ITGA2: variants seen among roughly 807,000 people sequenced by gnomAD.
ITGA2 encodes the protein integrin subunit alpha 2, also known as integrin alpha-2.
Under a neutral mutation model 146.3 loss-of-function variants are expected in ITGA2, and 101 were observed. That is an observed-to-expected ratio of 0.69 (90% CI 0.59 to 0.81). The LOEUF (loss-of-function observed/expected upper bound fraction) is 0.81, where lower values mean the gene tolerates loss of function less well. Among genes scored for constraint, ITGA2 ranks in the 40% least tolerant of loss-of-function variants. The pLI, the probability that ITGA2 is intolerant of heterozygous loss-of-function variation, is 0.00. For missense variants in ITGA2, 1,281 were observed against 1,402.7 expected (o/e 0.91, Z 1.39); for synonymous variants, 477 against 487.1 (o/e 0.98, Z 0.27).
intron 1 of ITGA2, among the ~76,000 whole-genome samples, chr5:53,002,871 A>T (rs1741652399): frequency 1.3e-5 from 2 of 152,076 alleles, no homozygotes; most frequent in African/African-American, 4.8e-5. Context: ...GGTGCTCCAT[A>T]TTTATTTCCA....
chr5:53,006,604 T>C (rs1025532259), intron 1 of ITGA2, among the ~76,000 whole-genome samples: 2 of 152,200 alleles, frequency 1.3e-5, no homozygotes, highest in Non-Finnish European at 2.9e-5. Context: ...CAGTAATTAT[T>C]ATTGAACCAC....
chr5:53,054,321 T>C (rs1225303447), intron 7 of ITGA2, among the ~76,000 whole-genome samples: 1 of 152,204 alleles, frequency 6.6e-6, no homozygotes, highest in South Asian at 2.1e-4. Flanking sequence ...CATCATGTAA[T>C]ATCTTATAAA....
At chr5:53,020,498 C>T (rs1265430676) in intron 1 of ITGA2, among the ~76,000 whole-genome samples, 4 of 152,056 alleles carry the variant, frequency 2.6e-5, no homozygotes, top group Non-Finnish European at 5.9e-5. Context: ...ACCCAATGGG[C>T]CAGAGTTTCC....
chr5:53,072,771 TTA>T, intron 19 of ITGA2, 76 bp downstream of exon 19: 1 of 1,211,550 alleles, frequency 8.3e-7, no homozygotes, highest in South Asian at 1.3e-5. Context: ...AAACGAATGT[TTA>T]TAGAGTTTTT....
intron 2 of ITGA2, among the ~76,000 whole-genome samples, chr5:53,035,887 C>T (rs530359309): frequency 6.6e-6 from 1 of 152,254 alleles, no homozygotes; most frequent in Non-Finnish European, 1.5e-5. Flanking sequence ...CCTTGGATGG[C>T]TCATAGACCT....
intron 28 of ITGA2, among the ~76,000 whole-genome samples, chr5:53,088,214 G>GTGAAACTCTA (rs1167530699): frequency 6.6e-6 from 1 of 152,166 alleles, no homozygotes; most frequent in African/African-American, 2.4e-5. Flanking sequence ...CAGACAATAT[G>GTGAAACTCTA]TGAAACTCTA....
At chr5:52,991,413 T>A (rs1299456465) in intron 1 of ITGA2, among the ~76,000 whole-genome samples, 1 of 152,058 alleles carries the variant, frequency 6.6e-6, no homozygotes, top group African/African-American at 2.4e-5. Context: ...TCATTCACTA[T>A]CATTACACAC....
chr5:53,078,416 C>G (rs778682606), intron 23 of ITGA2, among the ~76,000 whole-genome samples: 23 of 152,118 alleles, frequency 1.5e-4, no homozygotes, highest in Non-Finnish European at 3.1e-4. Flanking sequence ...TACTGATTGT[C>G]TACTATGTTA....
intron 1 of ITGA2, chr5:52,990,300 C>A (rs1471099316): frequency 6.6e-6 from 1 of 152,588 alleles, no homozygotes; most frequent in Non-Finnish European, 1.5e-5. Context: ...CCGGAGCAGC[C>A]GCTCTAACTG....
At chr5:53,007,084 G>A (rs1741894896) in intron 1 of ITGA2, among the ~76,000 whole-genome samples, 1 of 152,112 alleles carries the variant, frequency 6.6e-6, no homozygotes. Context: ...CATGCTAGAA[G>A]AAAAAATGAA....
Position 53,048,692 on chromosome 5 carries a change from T to G in ITGA2, c.552T>G (p.Ser184Arg), listed in dbSNP as rs1385001934. The G allele has an allele frequency of 6.2e-7, 1 of 1,613,998 alleles. No individual in the cohort carries two copies. Among genetic ancestry groups the G allele is most frequent in the African/African-American group, 1.3e-5 (1 of 75,046 alleles). ...DVVVVCDESN[S>R]IYPWDAVKNF... ...TGGTTGTGTGTGATGAATCAAATAG[T>G]ATTTATCCTTGGGATGCAGTAAAGA... The change falls in exon 6 of 30, where the codon AGT (serine) becomes AGG (arginine). Residue 184 changes from serine to arginine, a missense_variant. Ser to Arg is a moderately radical substitution (Grantham distance 110). Coordinates refer to ENST00000296585, the MANE Select transcript of ITGA2 (RefSeq NM_002203.4).
intron 1 of ITGA2, among the ~76,000 whole-genome samples, chr5:53,020,273 A>C (rs1742613123): frequency 6.6e-6 from 1 of 152,254 alleles, no homozygotes; most frequent in Non-Finnish European, 1.5e-5. Context: ...AGAATCATGG[A>C]GAAAATATCA....
At chr5:53,047,412 A>C (rs1024951100) in intron 4 of ITGA2, among the ~76,000 whole-genome samples, 24 of 152,148 alleles carry the variant, frequency 1.6e-4, no homozygotes, top group African/African-American at 5.3e-4. Flanking sequence ...GGACTCCTGA[A>C]AAGGAGAGAA....
chr5:53,028,549 T>A (rs1359854512), intron 2 of ITGA2, among the ~76,000 whole-genome samples: 1 of 152,250 alleles, frequency 6.6e-6, no homozygotes, highest in Non-Finnish European at 1.5e-5. Context: ...CGGTATATTT[T>A]GACCTTGGAA....
Position 53,055,992 on chromosome 5 carries a change from G to C in ITGA2, c.939G>C (p.Gly313=). The change falls in exon 9 of 30, where the codon GGG becomes GGC. Residue 313 remains glycine, a synonymous_variant. Transcript: ENST00000296585. The part of the protein sequence containing the change: ...NILRFGIAVL[G]YLNRNALDTK... Reference sequence around the variant, plus strand: ...CTTCCTCTATTTTCAAGGTTCTTGGGTACTTAAACAGAAACGCCCTTGATA... The same window carrying C: ...CTTCCTCTATTTTCAAGGTTCTTGGCTACTTAAACAGAAACGCCCTTGATA... 8 of 1,608,970 alleles carry C rather than the reference G, an allele frequency of 5.0e-6. No homozygotes were observed. The highest frequency in any genetic ancestry group is 6.8e-6 in the Non-Finnish European group (8 of 1,177,762).
intron 1 of ITGA2, among the ~76,000 whole-genome samples, chr5:53,015,477 T>A (rs1283413658): frequency 1.3e-5 from 2 of 152,052 alleles, no homozygotes; most frequent in Non-Finnish European, 2.9e-5. Context: ...TATGATTTTT[T>A]TTTTTAATTT....
chr5:53,089,813 C>T (rs1002368216), intron 28 of ITGA2, 133 bp from the exon 29 acceptor site: 13 of 726,940 alleles, frequency 1.8e-5, no homozygotes, highest in Admixed American at 5.9e-5. Flanking sequence ...GTTTGAGATA[C>T]GCCATCATGA....
intron 15 of ITGA2, among the ~76,000 whole-genome samples, chr5:53,066,662 A>G (rs1745157871): frequency 1.3e-5 from 2 of 151,954 alleles, no homozygotes; most frequent in African/African-American, 2.4e-5. Flanking sequence ...TTTATTTCTG[A>G]GTTTAATGAT....
chr5:53,093,765 G>A lies in ITGA2; in HGVS notation c.*3166G>A, dbSNP rs1740558620. On this transcript the variant is annotated 3_prime_UTR_variant, in exon 30 of 30. Coordinates refer to ENST00000296585, the MANE Select transcript of ITGA2 (RefSeq NM_002203.4). Reference sequence around the variant, plus strand: ...TTCAAATTTCCATTTCATAAATGGTGTACAGACAAGGTCTATAGAATGTGG... The same window carrying A: ...TTCAAATTTCCATTTCATAAATGGTATACAGACAAGGTCTATAGAATGTGG... 1 of 152,594 alleles carries A rather than the reference G, an allele frequency of 6.6e-6. No individual in the cohort carries two copies. Among genetic ancestry groups the A allele is most frequent in the Non-Finnish European group, 1.5e-5 (1 of 68,038 alleles). The allele number at this position is 152,594 out of a possible 1,614,324, so 9.5% of individuals were successfully genotyped here.
Sources: gnomAD v4.1 joint callset for allele counts (sites outside exome capture counted in the v4.1 genomes callset) on GRCh38, gnomAD v4.1.1 for gene constraint, MANE v1.5 for transcripts, NCBI Gene and HGNC (gene_info 2026-07-23, HGNC 2026-07-21) for gene names.